The following PDE8A variants were observed in gnomAD, a reference collection of about 807,000 sequenced individuals.
The protein encoded by PDE8A is phosphodiesterase 8A, also known as high affinity cAMP-specific and IBMX-insensitive 3',5'-cyclic phosphodiesterase 8A.
PDE8A carries 59 observed loss-of-function variants against 105.0 expected under a neutral mutation model. The observed-to-expected ratio is 0.56, with a 90% confidence interval of 0.46 to 0.70. The LOEUF is 0.70. Among genes scored for constraint, PDE8A ranks in the 30% least tolerant of loss-of-function variants. The pLI, the probability that PDE8A is intolerant of heterozygous loss-of-function variation, is 0.00. For missense variants in PDE8A, 1,014 were observed against 1,045.9 expected (o/e 0.97, Z 0.42); for synonymous variants, 355 against 371.9 (o/e 0.95, Z 0.52).
chr15:85,001,142 T>A (rs913503110), intron 1 of PDE8A, among the ~76,000 whole-genome samples: 10 of 152,174 alleles, frequency 6.6e-5, no homozygotes, highest in African/African-American at 2.4e-4. Flanking sequence ...CCTCACACAC[T>A]GAATGCCTCG....
intron 1 of PDE8A, among the ~76,000 whole-genome samples, chr15:85,009,088 TGTGA>T (rs2141328041): frequency 1.5e-5 from 1 of 65,050 alleles, no homozygotes; most frequent in East Asian, 3.1e-4. Flanking sequence ...TGTGTTAGTG[TGTGA>T]GAGAGAGAGA....
chr15:85,093,780 T>C (rs140025551), intron 8 of PDE8A, among the ~76,000 whole-genome samples: 11 of 152,338 alleles, frequency 7.2e-5, no homozygotes, highest in African/African-American at 2.6e-4. Context: ...TCCCCAAGAC[T>C]TGTCTATCAG....
At chr15:85,001,017 C>G (rs1175791021) in intron 1 of PDE8A, among the ~76,000 whole-genome samples, 1 of 152,182 alleles carries the variant, frequency 6.6e-6, no homozygotes, top group Non-Finnish European at 1.5e-5. Flanking sequence ...TACCATTGTT[C>G]TGTTCCCCTG....
chr15:85,038,359 C>G (rs1329840698), intron 1 of PDE8A, among the ~76,000 whole-genome samples: 1 of 151,972 alleles, frequency 6.6e-6, no homozygotes, highest in Admixed American at 6.6e-5. Flanking sequence ...TTTTTCATTC[C>G]TTTACATGGG....
intron 1 of PDE8A, among the ~76,000 whole-genome samples, chr15:85,040,625 A>G (rs1477894971): frequency 4.0e-5 from 6 of 148,872 alleles, no homozygotes; most frequent in Non-Finnish European, 5.9e-5. Context: ...CAGTGGTGCA[A>G]TCTTGGCTCA....
chr15:84,989,881 C>T (rs2079859702), intron 1 of PDE8A, among the ~76,000 whole-genome samples: 1 of 152,294 alleles, frequency 6.6e-6, no homozygotes, highest in East Asian at 1.9e-4. Flanking sequence ...GAATTATGCA[C>T]TCATATGCCT....
chr15:85,061,722 G>A (rs992895248), intron 1 of PDE8A, among the ~76,000 whole-genome samples: 2 of 152,012 alleles, frequency 1.3e-5, no homozygotes, highest in African/African-American at 2.4e-5. Context: ...TGGGACTCCC[G>A]TGATGCATAT....
At chr15:85,074,969 A>G (rs1171886203) in intron 3 of PDE8A, among the ~76,000 whole-genome samples, 3 of 152,158 alleles carry the variant, frequency 2.0e-5, no homozygotes, top group Non-Finnish European at 4.4e-5. Flanking sequence ...CCTCTCCAAC[A>G]TAAGTCGTCT....
intron 1 of PDE8A, among the ~76,000 whole-genome samples, chr15:85,015,312 G>A (rs570533123): frequency 3.3e-5 from 5 of 151,058 alleles, no homozygotes; most frequent in East Asian, 2.0e-4. Flanking sequence ...CCGGAGCCTC[G>A]ACCTCCCGGG....
chr15:85,011,804 A>G (rs1052810687), intron 1 of PDE8A, among the ~76,000 whole-genome samples: 6 of 152,230 alleles, frequency 3.9e-5, no homozygotes, highest in African/African-American at 1.4e-4. Flanking sequence ...TCATCTGACA[A>G]AGGGCTAATA....
At position 85,138,240 on chromosome 15, in the gene PDE8A, C is replaced by A; in HGVS notation, c.*337C>A. ...ACTTCCTGCCAGTGACAGAGCATGT[C>A]TATTGCAAACAATTCTCTCAGTTAC... On this transcript the variant is annotated 3_prime_UTR_variant, in exon 22 of 22. Transcript: ENST00000394553. The A allele has an allele frequency of 4.9e-6, 1 of 204,222 alleles. No homozygotes were observed. Among genetic ancestry groups the A allele is most frequent in the Non-Finnish European group, 9.9e-6 (1 of 101,510 alleles). The allele number at this position is 204,222 out of a possible 1,614,324, so 12.7% of individuals were successfully genotyped here.
intron 1 of PDE8A, among the ~76,000 whole-genome samples, chr15:85,011,750 T>C (rs1482004263): frequency 6.6e-6 from 1 of 151,826 alleles, no homozygotes; most frequent in East Asian, 1.9e-4. Context: ...ACCATCAGAG[T>C]GAACAGGCAA....
intron 3 of PDE8A, among the ~76,000 whole-genome samples, chr15:85,067,847 G>T (rs558355728): frequency 2.0e-5 from 3 of 152,266 alleles, no homozygotes; most frequent in Admixed American, 2.0e-4. Flanking sequence ...ATGTGGTGAC[G>T]TCAACATGGG....
chr15:85,100,174 T>A lies in PDE8A; in HGVS notation c.1012T>A (p.Cys338Ser), dbSNP rs747478749. Reference sequence around the variant, plus strand: ...CTTTTAGGCTGAGAAAATATCCGAATGTGTTCAGTCTGACACTCATACAGG... The same window carrying A: ...CTTTTAGGCTGAGAAAATATCCGAAAGTGTTCAGTCTGACACTCATACAGG... ...GNNKAEKISE[C>S]VQSDTHTDNQ... The change falls in exon 11 of 22, where the codon TGT (cysteine) becomes AGT (serine). Residue 338 changes from cysteine (C) to serine (S), a missense_variant. Coordinates refer to ENST00000394553, the MANE Select transcript of PDE8A (RefSeq NM_002605.3). 3.7e-6 allele frequency: 6 copies of A among 1,613,826 alleles called. No individual in the cohort carries two copies. In the African/African-American group the frequency reaches 8.0e-5, roughly 22 times the overall value.
intron 11 of PDE8A, among the ~76,000 whole-genome samples, chr15:85,102,522 A>G (rs1268903562): frequency 4.1e-5 from 6 of 146,268 alleles, no homozygotes; most frequent in Non-Finnish European, 9.0e-5. Context: ...GGTTGTAAGC[A>G]TTTTTTTTTT....
At chr15:85,006,802 G>A (rs1236893593) in intron 1 of PDE8A, among the ~76,000 whole-genome samples, 1 of 152,096 alleles carries the variant, frequency 6.6e-6, no homozygotes, top group Non-Finnish European at 1.5e-5. Flanking sequence ...TTGCGAGTGG[G>A]AGGATGAGAT....
chr15:85,010,559 A>T (rs573701064), intron 1 of PDE8A, among the ~76,000 whole-genome samples: 1 of 152,066 alleles, frequency 6.6e-6, no homozygotes, highest in Non-Finnish European at 1.5e-5. Flanking sequence ...TATGTATTTG[A>T]TTGCCTCTCC....
At chr15:85,090,788 G>A (rs1360992700) in intron 7 of PDE8A, 2 of 546,338 alleles carry the variant, frequency 3.7e-6, no homozygotes, top group South Asian at 3.1e-5. Flanking sequence ...GTGGGAGTGG[G>A]CCTGCTGCCC....
chr15:85,121,428 C>CTAAGT (rs1379175650), intron 18 of PDE8A, among the ~76,000 whole-genome samples: 1 of 152,158 alleles, frequency 6.6e-6, no homozygotes, highest in Non-Finnish European at 1.5e-5. Context: ...ATCTCTCATG[C>CTAAGT]TAAGTTAAAC....
Sources: allele counts gnomAD v4.1 joint callset (sites outside exome capture counted in the v4.1 genomes callset), GRCh38; gene constraint gnomAD v4.1.1; transcripts MANE v1.5; gene names NCBI Gene and HGNC (gene_info 2026-07-23, HGNC 2026-07-21).